Variants in IGF2R observed in about 807,000 individuals in gnomAD.
The protein encoded by IGF2R is insulin like growth factor 2 receptor.
A neutral mutation model predicts 270.6 loss-of-function variants in IGF2R; 91 were observed. The ratio of observed to expected loss-of-function variants is 0.34; its 90% confidence interval spans 0.28 to 0.40. The LOEUF (loss-of-function observed/expected upper bound fraction) is 0.40, where lower values mean the gene tolerates loss of function less well. Ranked by LOEUF, IGF2R falls within the 10% of genes least tolerant of loss-of-function variation. The probability of loss-of-function intolerance (pLI) is 1.00; values close to 1 mark genes in which losing one functional copy is unlikely to be tolerated. For synonymous variants in IGF2R, 1,316 were observed against 1,258.9 expected, an observed-to-expected ratio of 1.05 and a Z score of -0.96; for missense variants, 2,805 against 3,188.3, an observed-to-expected ratio of 0.88 and a Z score of 2.90.
chr6:160,064,873 C>T lies in IGF2R; in HGVS notation c.4087C>T (p.Pro1363Ser), dbSNP rs1193511401. ...GTGGCGAACGCAGTATGCCTGCCCACCTTTCGATCTGACTGAATGTTCATT... is the reference window on the plus strand; with the variant it reads ...GTGGCGAACGCAGTATGCCTGCCCATCTTTCGATCTGACTGAATGTTCATT... ...FEWRTQYACPPFDLTECSFKD... is the reference protein window; with the variant it reads ...FEWRTQYACPSFDLTECSFKD... Residue 1363 changes from proline to serine, a missense_variant, in exon 29 of 48, where the codon CCT becomes TCT. By Grantham distance (74) the Pro-to-Ser change is moderately conservative. Around this residue, in one of 2 missense-constraint regions of IGF2R, gnomAD observed 1,851 missense variants for 2,207.2 expected, o/e 0.84. Transcript: ENST00000356956. 1 of 1,612,326 alleles carries T rather than the reference C, an allele frequency of 6.2e-7. No individual in the cohort carries two copies. The highest frequency in any genetic ancestry group is 8.5e-7 in the Non-Finnish European group (1 of 1,178,420).
intron 29 of IGF2R, among the ~76,000 whole-genome samples, chr6:160,065,505 T>A (rs1441491719): frequency 6.6e-6 from 1 of 152,220 alleles, no homozygotes; most frequent in Non-Finnish European, 1.5e-5. Flanking sequence ...TAGGAACGTA[T>A]GTAAATGCAA....
rs954250476 is a variant in IGF2R, at chr6:160,032,417, A to G, written c.883-134A>G. On this transcript the variant is annotated intron_variant, in intron 7 of 47. Coordinates refer to ENST00000356956, the MANE Select transcript of IGF2R (RefSeq NM_000876.4). ...TAATCTTAATGTGTTAGAGGCAATTATGATTCAAAAAACAGAAACAGCAAA... is the reference window on the plus strand; with the variant it reads ...TAATCTTAATGTGTTAGAGGCAATTGTGATTCAAAAAACAGAAACAGCAAA... The G allele has an allele frequency of 6.1e-5, 44 of 715,820 alleles. No homozygotes were observed. In the Admixed American group the frequency reaches 6.8e-4, roughly 11 times the overall value. 44.3% of individuals were successfully genotyped at this position (715,820 alleles called of 1,614,324 possible). A position where few individuals can be genotyped will look rare whatever the true frequency, so the allele number is the denominator to read the frequency against.
At chr6:160,016,975 C>T (rs559621386) in intron 4 of IGF2R, among the ~76,000 whole-genome samples, 1 of 152,296 alleles carries the variant, frequency 6.6e-6, no homozygotes, top group South Asian at 2.1e-4. Flanking sequence ...GGTGTTATAG[C>T]ACCCTGAAGG....
chr6:160,094,325 C>T, intron 44 of IGF2R: 1 of 264,880 alleles, frequency 3.8e-6, no homozygotes, highest in South Asian at 4.3e-5. Flanking sequence ...TGCCGAGGAA[C>T]AAGCCAGCAA....
Position 160,084,373 on chromosome 6 carries a change from T to C in IGF2R, c.6068+189T>C, listed in dbSNP as rs1779053397. 6.6e-6 allele frequency among the ~76,000 whole-genome samples: 1 copy of C among 152,184 alleles called. No homozygotes were observed. ...TCAATCCTGGCACAGAGGGTGGTTCTGAGGTCAGAGTGGGGGCAGGAGCTT... is the reference window on the plus strand; with the variant it reads ...TCAATCCTGGCACAGAGGGTGGTTCCGAGGTCAGAGTGGGGGCAGGAGCTT... On this transcript the variant is annotated intron_variant, in intron 40 of 47. Transcript: ENST00000356956. The surrounding 1 kb of genome is among the most constrained non-coding windows in gnomAD (Gnocchi z 4.6).
chr6:160,021,102 A>C (rs972657219), intron 4 of IGF2R, among the ~76,000 whole-genome samples: 1 of 152,196 alleles, frequency 6.6e-6, no homozygotes, highest in Non-Finnish European at 1.5e-5. Flanking sequence ...CAACTCAACA[A>C]GAAAAACCAC....
chr6:160,043,275 A>T lies in IGF2R; in HGVS notation c.1608A>T (p.Ala536=). The stretch of plus-strand genomic sequence containing the variant: ...CACGAGGGTGTCCCGAGGACGCGGC[A>T]GTGTGTGCAGTGGGTGAGTTGTGCC... ...GKARGCPEDA[A]VCAVDKNGSK... Residue 536 remains alanine, a synonymous_variant, in exon 12 of 48, where the codon GCA becomes GCT. Transcript: ENST00000356956. 1 of 1,614,034 alleles carries T rather than the reference A, an allele frequency of 6.2e-7. No homozygotes were observed. Among genetic ancestry groups the T allele is most frequent in the African/African-American group, 1.3e-5 (1 of 75,054 alleles).
At chr6:160,030,688 G>A (rs1196368255) in intron 7 of IGF2R, among the ~76,000 whole-genome samples, 1 of 152,138 alleles carries the variant, frequency 6.6e-6, no homozygotes, top group African/African-American at 2.4e-5. Context: ...TCTACATTTG[G>A]TAAGAATCAT....
intron 2 of IGF2R, among the ~76,000 whole-genome samples, chr6:159,996,220 G>C (rs1036176696): frequency 2.6e-5 from 4 of 152,180 alleles, no homozygotes; most frequent in African/African-American, 4.8e-5. Flanking sequence ...TTCTCAGGAA[G>C]TTATTTTGTT....
At chr6:160,082,444 G>T (rs1779004029) in intron 39 of IGF2R, among the ~76,000 whole-genome samples, 1 of 151,930 alleles carries the variant, frequency 6.6e-6, no homozygotes, top group Non-Finnish European at 1.5e-5. Context: ...CAAGTAGCTG[G>T]GATTACAGGG....
chr6:159,990,259 C>A (rs1202902498), intron 1 of IGF2R, among the ~76,000 whole-genome samples: 3 of 152,200 alleles, frequency 2.0e-5, no homozygotes, highest in African/African-American at 7.2e-5. Flanking sequence ...CCACCCAAAT[C>A]TCAGCTTGTA....
intron 1 of IGF2R, among the ~76,000 whole-genome samples, chr6:159,984,372 G>A (rs148936633): frequency 3.9e-5 from 6 of 152,262 alleles, no homozygotes; most frequent in East Asian, 3.9e-4. Flanking sequence ...AACCCACTGC[G>A]CTACCAGTCT....
At chr6:160,045,945 A>C in intron 14 of IGF2R, 63 bp downstream of exon 14, 1 of 1,411,214 alleles carries the variant, frequency 7.1e-7, no homozygotes, top group East Asian at 2.6e-5. Flanking sequence ...TTTTTTCCTT[A>C]ACATTCTGTG....
At chr6:160,021,784 G>A (rs1777443679) in intron 4 of IGF2R, among the ~76,000 whole-genome samples, 1 of 152,150 alleles carries the variant, frequency 6.6e-6, no homozygotes, top group African/African-American at 2.4e-5. Context: ...CCATTGGTGG[G>A]AATGTAAATT....
At chr6:160,096,409 C>T (rs1414942844) in intron 44 of IGF2R, 30 bp from the exon 45 acceptor site, 2 of 1,587,822 alleles carry the variant, frequency 1.3e-6, no homozygotes, top group East Asian at 4.5e-5. Flanking sequence ...ATGATGGTGA[C>T]ATGCCATGTG....
intron 2 of IGF2R, 78 bp downstream of exon 2, chr6:159,991,401 C>T (rs1178170651): frequency 3.4e-6 from 4 of 1,180,446 alleles, no homozygotes; most frequent in East Asian, 2.4e-5. Flanking sequence ...TATAGCTATA[C>T]GTATATAGCG....
At chr6:160,044,441 T>G (rs1025997930) in intron 12 of IGF2R, 73 bp from the exon 13 acceptor site, 1 of 1,193,390 alleles carries the variant, frequency 8.4e-7, no homozygotes, top group Middle Eastern at 2.8e-4. Flanking sequence ...TCTTTTTTTT[T>G]TAAGTCACTT....
At chr6:160,078,391 T>C (rs892020509) in intron 37 of IGF2R, 29 bp downstream of exon 37, 3 of 1,606,834 alleles carry the variant, frequency 1.9e-6, no homozygotes, top group Admixed American at 3.3e-5. Context: ...GCGTTGCTGG[T>C]GCAGGTGTAC....
In IGF2R at chr6:160,084,032, G is replaced by A. The variant is rs1389773335; in HGVS notation, c.5916G>A (p.Val1972=). The change falls in exon 40 of 48, where the codon GTG becomes GTA. Residue 1972 remains valine, a synonymous_variant. Coordinates refer to ENST00000356956, the MANE Select transcript of IGF2R (RefSeq NM_000876.4). The surrounding 1 kb of genome is among the most constrained non-coding windows in gnomAD (Gnocchi z 4.6). ...GGAGGCCACAAGTCTTCAGTGAAGTGCGTGGGTGTGATGTGACATTTGAGT... is the reference window on the plus strand; with the variant it reads ...GGAGGCCACAAGTCTTCAGTGAAGTACGTGGGTGTGATGTGACATTTGAGT... ...DIGRPQVFSE[V]RGCDVTFEWK... The A allele has an allele frequency of 4.3e-6, 7 of 1,614,158 alleles. No homozygotes were observed. The highest frequency in any genetic ancestry group is 8.5e-7 in the Non-Finnish European group (1 of 1,179,998).
Sources: gnomAD v4.1 joint callset for allele counts (sites outside exome capture counted in the v4.1 genomes callset) on GRCh38, gnomAD v4.1.1 for gene constraint, gnomAD v4.1.1 regional missense constraint, Gnocchi (gnomAD v3.1) non-coding constraint, MANE v1.5 for transcripts, NCBI Gene and HGNC (gene_info 2026-07-23, HGNC 2026-07-21) for gene names.